Variants in MARCHF1 observed in about 807,000 individuals in gnomAD.
MARCHF1 encodes the protein membrane associated ring-CH-type finger 1.
MARCHF1 carries 40 observed loss-of-function variants against 54.2 expected under a neutral mutation model. That is an observed-to-expected ratio of 0.74 (90% confidence interval 0.57 to 0.96). MARCHF1 has a LOEUF of 0.96. Ranked by LOEUF, MARCHF1 falls within the 40% of genes least tolerant of loss-of-function variation. The pLI, the probability that MARCHF1 is intolerant of heterozygous loss-of-function variation, is 0.00. For missense variants in MARCHF1, 586 were observed against 656.5 expected (o/e 0.89, Z 1.17); for synonymous variants, 236 against 236.3 (o/e 1.00, Z 0.01).
intron 1 of MARCHF1, among the ~76,000 whole-genome samples, chr4:164,130,505 T>G (rs1462950285): frequency 6.6e-6 from 1 of 152,172 alleles, no homozygotes; most frequent in African/African-American, 2.4e-5. Context: ...TGCAATATCA[T>G]TATGTTTTCA....
chr4:164,001,970 T>C (rs1753194660), intron 2 of MARCHF1, among the ~76,000 whole-genome samples: 1 of 151,854 alleles, frequency 6.6e-6, no homozygotes, highest in African/African-American at 2.4e-5. Context: ...AGCAGATAAC[T>C]TATAGAATCA....
intron 8 of MARCHF1, among the ~76,000 whole-genome samples, chr4:163,555,143 T>C (rs1739241225): frequency 6.6e-6 from 1 of 152,200 alleles, no homozygotes; most frequent in Admixed American, 6.5e-5. Context: ...TGAGGGTAGA[T>C]ATAATATGTG....
At chr4:163,699,056 C>T (rs1004168693) in intron 5 of MARCHF1, among the ~76,000 whole-genome samples, 6 of 152,154 alleles carry the variant, frequency 3.9e-5, no homozygotes, top group East Asian at 1.9e-4. Context: ...TCATGTAAGT[C>T]GGAAGCGACA....
intron 7 of MARCHF1, among the ~76,000 whole-genome samples, chr4:163,600,205 CAT>C (rs1321477943): frequency 1.3e-5 from 2 of 151,844 alleles, no homozygotes; most frequent in African/African-American, 4.8e-5. Context: ...TTTATACACA[CAT>C]ATTTTATATA....
chr4:164,262,597 GT>G (rs1191033993), intron 1 of MARCHF1, among the ~76,000 whole-genome samples: 2 of 152,162 alleles, frequency 1.3e-5, no homozygotes, highest in African/African-American at 4.8e-5. Flanking sequence ...AGCACCACTT[GT>G]CTTTTTTCAA....
At chr4:164,340,013 T>C (rs147251552) in intron 1 of MARCHF1, among the ~76,000 whole-genome samples, 6 of 151,940 alleles carry the variant, frequency 3.9e-5, no homozygotes, top group Admixed American at 3.9e-4. Flanking sequence ...AAATCATGAA[T>C]AGGAAAACTG....
At chr4:164,005,512 A>G (rs1370032609) in intron 2 of MARCHF1, among the ~76,000 whole-genome samples, 1 of 152,120 alleles carries the variant, frequency 6.6e-6, no homozygotes, top group African/African-American at 2.4e-5. Flanking sequence ...CTTGGCAACA[A>G]GTGCATGGTA....
In MARCHF1 at chr4:163,560,783, T is replaced by A. The variant is rs78479305; in HGVS notation, c.1192-15040A>T. Reference sequence around the variant, plus strand: ...AAGTATCTAATAATTTAAATGCTATTGCAAATAATATTTTTAAAGATTTCA... The same window carrying A: ...AAGTATCTAATAATTTAAATGCTATAGCAAATAATATTTTTAAAGATTTCA... On this transcript the variant is annotated intron_variant, in intron 8 of 9. Transcript: ENST00000514618. 7.3e-3 allele frequency among the ~76,000 whole-genome samples: 1,118 copies of A among 152,310 alleles called. 17 individuals carry two copies. The highest frequency in any genetic ancestry group is 0.024 in the African/African-American group (995 of 41,580).
intron 4 of MARCHF1, among the ~76,000 whole-genome samples, chr4:163,721,127 C>A (rs1047059924): frequency 3.3e-5 from 5 of 152,152 alleles, no homozygotes; most frequent in Non-Finnish European, 5.9e-5. Context: ...GGGAATGCTT[C>A]CAGTTTTTGC....
chr4:164,172,436 T>C (rs1430352656), intron 1 of MARCHF1, among the ~76,000 whole-genome samples: 2 of 152,114 alleles, frequency 1.3e-5, no homozygotes, highest in Non-Finnish European at 2.9e-5. Context: ...TAGACGATGT[T>C]ATAAAATATT....
intron 3 of MARCHF1, among the ~76,000 whole-genome samples, chr4:163,887,335 A>G (rs1303459789): frequency 6.6e-6 from 1 of 152,120 alleles, no homozygotes; most frequent in East Asian, 1.9e-4. Context: ...TCACTCAAAG[A>G]AACTGGGAAA....
intron 1 of MARCHF1, among the ~76,000 whole-genome samples, chr4:164,333,855 A>G (rs1729650281): frequency 6.6e-6 from 1 of 152,248 alleles, no homozygotes; most frequent in Admixed American, 6.5e-5. Context: ...AAGTTCTTGA[A>G]GGAAATTAAA....
chr4:163,819,232 T>G (rs1291324878), intron 4 of MARCHF1, among the ~76,000 whole-genome samples: 1 of 152,132 alleles, frequency 6.6e-6, no homozygotes, highest in East Asian at 1.9e-4. Context: ...CTCTACTGTT[T>G]CCTGATGCAT....
At chr4:164,104,146 C>T (rs1306263674) in intron 2 of MARCHF1, among the ~76,000 whole-genome samples, 1 of 147,882 alleles carries the variant, frequency 6.8e-6, no homozygotes, top group African/African-American at 2.5e-5. Context: ...CAAAAAGAGT[C>T]CAGGACCAGA....
At chr4:163,654,984 A>G (rs1743090462) in intron 5 of MARCHF1, among the ~76,000 whole-genome samples, 1 of 151,008 alleles carries the variant, frequency 6.6e-6, no homozygotes, top group South Asian at 2.1e-4. Context: ...TCTGCTTTCT[A>G]CTATCTTGTT....
chr4:163,941,937 T>C (rs1751920949), intron 3 of MARCHF1, among the ~76,000 whole-genome samples: 1 of 152,186 alleles, frequency 6.6e-6, no homozygotes, highest in African/African-American at 2.4e-5. Context: ...TCTTTCCATA[T>C]TTTGTTTCTC....
chr4:163,952,673 T>C (rs555210720), intron 3 of MARCHF1, among the ~76,000 whole-genome samples: 2 of 152,348 alleles, frequency 1.3e-5, no homozygotes, highest in African/African-American at 4.8e-5. Flanking sequence ...GCTATGTGGC[T>C]GTAATCTGCT....
chr4:164,369,984 T>C (rs184762325), intron 1 of MARCHF1, among the ~76,000 whole-genome samples: 22 of 152,300 alleles, frequency 1.4e-4, no homozygotes, highest in Admixed American at 3.9e-4. Context: ...ACAAAAACCA[T>C]AATAATCCTG....
At position 163,528,088 on chromosome 4, in the gene MARCHF1, T is replaced by G. The variant is rs190671326; in HGVS notation, c.*660A>C. 1.3e-5 allele frequency: 2 copies of G among 152,622 alleles called. No individual in the cohort carries two copies. Among genetic ancestry groups the G allele is most frequent in the Admixed American group, 1.3e-4 (2 of 15,252 alleles). The allele number at this position is 152,622 out of a possible 1,614,324, so 9.5% of individuals were successfully genotyped here. A position where few individuals can be genotyped will look rare whatever the true frequency, so the allele number is the denominator to read the frequency against. On this transcript the variant is annotated 3_prime_UTR_variant, in exon 10 of 10. Coordinates refer to ENST00000514618, the MANE Select transcript of MARCHF1 (RefSeq NM_001394959.1). ...AACAGAGCTAATTATATCCGAACAT[T>G]TTCTGAAAATCTTTTGCGTGACTTA...
Sources: allele counts gnomAD v4.1 joint callset (sites outside exome capture counted in the v4.1 genomes callset), GRCh38; gene constraint gnomAD v4.1.1; transcripts MANE v1.5; gene names NCBI Gene and HGNC (gene_info 2026-07-23, HGNC 2026-07-21).